Variants in CPO observed in about 807,000 individuals in gnomAD.
The protein encoded by CPO is carboxypeptidase O, also known as metallocarboxypeptidase C.
In CPO, 43 loss-of-function variants were observed where a neutral mutation model predicts 41.2. That is an observed-to-expected ratio of 1.04 (90% confidence interval 0.82 to 1.35). The LOEUF (loss-of-function observed/expected upper bound fraction) is 1.35, where lower values mean the gene tolerates loss of function less well. Ranked by LOEUF, CPO falls within the 40% of genes most tolerant of loss-of-function variation. The pLI is 0.00. For missense variants in CPO, 408 were observed against 451.7 expected, an observed-to-expected ratio of 0.90 and a Z score of 0.88; for synonymous variants, 178 against 162.7, an observed-to-expected ratio of 1.09 and a Z score of -0.72.
At chr2:206,967,169 C>T (rs541692153) in intron 7 of CPO, among the ~76,000 whole-genome samples, 1 of 151,944 alleles carries the variant, frequency 6.6e-6, no homozygotes, top group South Asian at 2.1e-4. Context: ...CTGGGGAATA[C>T]CTAGAGCATC....
chr2:206,959,824 G>A (rs1453168), intron 5 of CPO, 83 bp downstream of exon 5: 431,770 of 636,056 alleles, frequency 0.68, 148,858 homozygotes, highest in African/African-American at 0.76. Context: ...TATCCATTCC[G>A]GCTCTAAAAA....
At chr2:206,966,463 G>A (rs1693578325) in intron 7 of CPO, among the ~76,000 whole-genome samples, 1 of 151,982 alleles carries the variant, frequency 6.6e-6, no homozygotes, top group East Asian at 1.9e-4. Context: ...CTTTTCCCAG[G>A]CCCCTTCTCT....
intron 1 of CPO, among the ~76,000 whole-genome samples, chr2:206,942,155 A>G (rs369727112): frequency 1.6e-4 from 24 of 152,272 alleles, no homozygotes; most frequent in African/African-American, 5.5e-4. Context: ...TGCAACCATT[A>G]AAGAGTTTTC....
intron 2 of CPO, among the ~76,000 whole-genome samples, chr2:206,950,538 G>C (rs878980008): frequency 6.6e-6 from 1 of 152,144 alleles, no homozygotes; most frequent in African/African-American, 2.4e-5. Context: ...CAAGGATCTA[G>C]AACTAGAAAT....
chr2:206,963,814 T>G lies in CPO; in HGVS notation c.777+1200T>G, dbSNP rs553007756. Among the ~76,000 whole-genome samples the G allele has an allele frequency of 5.1e-3, 431 of 84,310 alleles. 1 individual carries two copies. Among genetic ancestry groups the G allele is most frequent in the Non-Finnish European group, 9.2e-3 (350 of 37,946 alleles). The allele number at this position is 84,310 out of a possible 152,430, so 55.3% of individuals were successfully genotyped here. A position where few individuals can be genotyped will look rare whatever the true frequency, so the allele number is the denominator to read the frequency against. On this transcript the variant is annotated intron_variant, in intron 7 of 8. Transcript: ENST00000272852. Reference sequence around the variant, plus strand: ...AACAATGCTGCTATGAATATGGGTGTGCACTTCTAAGACTCTGCTTTCAGT... The same window carrying G: ...AACAATGCTGCTATGAATATGGGTGGGCACTTCTAAGACTCTGCTTTCAGT...
At chr2:206,950,645 A>T (rs1693243466) in intron 2 of CPO, among the ~76,000 whole-genome samples, 1 of 152,364 alleles carries the variant, frequency 6.6e-6, no homozygotes, top group East Asian at 1.9e-4. Flanking sequence ...TTATTGTGGC[A>T]CTATTCACAA....
intron 7 of CPO, among the ~76,000 whole-genome samples, chr2:206,962,955 A>G (rs1476655688): frequency 3.9e-5 from 6 of 152,230 alleles, no homozygotes; most frequent in South Asian, 4.1e-4. Flanking sequence ...TTCAGCAATT[A>G]CAGCTTTTGA....
Position 206,939,635 on chromosome 2 carries a change from G to A in CPO, c.36G>A (p.Gly12=), listed in dbSNP as rs754672259. 2.5e-6 allele frequency: 4 copies of A among 1,611,388 alleles called. No individual in the cohort carries two copies. The highest frequency in any genetic ancestry group is 2.2e-5 in the South Asian group (2 of 90,994). The change falls in exon 1 of 9, where the codon GGG becomes GGA. Residue 12 remains glycine, a synonymous_variant. Transcript: ENST00000272852. The part of the protein sequence containing the change: ...KPLLETLYLL[G]MLVPGGLGYD... ...TGCTTGAAACCCTTTATCTTTTGGG[G>A]ATGCTGGTTCCTGGAGGGCTGGGAT...
At chr2:206,962,069 C>T (rs902961936) in intron 6 of CPO, among the ~76,000 whole-genome samples, 3 of 146,360 alleles carry the variant, frequency 2.0e-5, no homozygotes, top group Admixed American at 1.4e-4. Context: ...CACTGCACTC[C>T]AGCCTGGGCG....
intron 1 of CPO, among the ~76,000 whole-genome samples, chr2:206,945,154 A>G (rs949458603): frequency 6.6e-6 from 1 of 152,178 alleles, no homozygotes; most frequent in African/African-American, 2.4e-5. Context: ...TTACAAATAA[A>G]GAAATGAAGA....
At chr2:206,939,741 C>G in intron 1 of CPO, 74 bp downstream of exon 1, 1 of 1,300,160 alleles carries the variant, frequency 7.7e-7, no homozygotes, top group Non-Finnish European at 1.1e-6. Flanking sequence ...CTTTTTAAGA[C>G]CAATGCAGCT....
chr2:206,952,597 T>C (rs1693285747), intron 2 of CPO, among the ~76,000 whole-genome samples: 1 of 152,214 alleles, frequency 6.6e-6, no homozygotes, highest in Non-Finnish European at 1.5e-5. Context: ...ATAAGACTCT[T>C]TGTAGCACAA....
intron 3 of CPO, among the ~76,000 whole-genome samples, chr2:206,956,858 C>T (rs545297673): frequency 6.6e-6 from 1 of 152,246 alleles, no homozygotes; most frequent in Admixed American, 6.5e-5. Flanking sequence ...GGAATTTACC[C>T]AGGGATTATG....
chr2:206,950,597 T>C (rs1693241826), intron 2 of CPO, among the ~76,000 whole-genome samples: 1 of 152,186 alleles, frequency 6.6e-6, no homozygotes, highest in Non-Finnish European at 1.5e-5. Context: ...CAAAGGATTA[T>C]AAATCATTCT....
chr2:206,968,776 C>A (rs1693630019), intron 8 of CPO, among the ~76,000 whole-genome samples: 1 of 152,226 alleles, frequency 6.6e-6, no homozygotes, highest in Non-Finnish European at 1.5e-5. Flanking sequence ...CAACCCCAAT[C>A]TCCACCCTCT....
intron 2 of CPO, among the ~76,000 whole-genome samples, chr2:206,954,825 C>T (rs769496894): frequency 2.2e-4 from 34 of 152,178 alleles, no homozygotes; most frequent in Non-Finnish European, 4.4e-4. Context: ...TCCTTCTTCA[C>T]ATGGCGGCAG....
Position 206,959,686 on chromosome 2 carries a change from A to G in CPO, c.428A>G (p.Asp143Gly). ...SSIRKLLRNL[D>G]FYVLPVLNID... Reference sequence around the variant, plus strand: ...ATACGCAAGCTCCTTAGGAACCTGGACTTCTATGTCCTTCCAGTTCTTAAC... The same window carrying G: ...ATACGCAAGCTCCTTAGGAACCTGGGCTTCTATGTCCTTCCAGTTCTTAAC... The change falls in exon 5 of 9, where the codon GAC becomes GGC. Residue 143 changes from aspartate (D) to glycine (G), a missense_variant. Asp to Gly is a moderately conservative substitution (Grantham distance 94). Coordinates refer to ENST00000272852, the MANE Select transcript of CPO (RefSeq NM_173077.3). The G allele has an allele frequency of 6.3e-7, 1 of 1,582,774 alleles. No individual in the cohort carries two copies. The highest frequency in any genetic ancestry group is 8.7e-7 in the Non-Finnish European group (1 of 1,151,468).
chr2:206,951,636 G>A (rs1693265925), intron 2 of CPO, among the ~76,000 whole-genome samples: 3 of 152,270 alleles, frequency 2.0e-5, no homozygotes, highest in Middle Eastern at 3.4e-3. Flanking sequence ...GGTCCAGTAT[G>A]GCCCATGGAC....
intron 1 of CPO, among the ~76,000 whole-genome samples, chr2:206,947,383 A>C (rs1369766316): frequency 1.3e-5 from 2 of 152,312 alleles, no homozygotes; most frequent in East Asian, 3.9e-4. Context: ...TAGACATCGC[A>C]CCTTCACAAA....
Sources: allele counts gnomAD v4.1 joint callset (sites outside exome capture counted in the v4.1 genomes callset), GRCh38; gene constraint gnomAD v4.1.1; transcripts MANE v1.5; gene names NCBI Gene and HGNC (gene_info 2026-07-23, HGNC 2026-07-21).